Variants in MYO5B observed in about 807,000 individuals in gnomAD.
MYO5B encodes the protein unconventional myosin-Vb.
Under a neutral mutation model 229.3 loss-of-function variants are expected in MYO5B, and 143 were observed. The ratio of observed to expected loss-of-function variants is 0.62; its 90% CI spans 0.54 to 0.72. The LOEUF (loss-of-function observed/expected upper bound fraction) is 0.72, where lower values mean the gene tolerates loss of function less well. MYO5B is among the 30% of genes least tolerant of loss of function. The probability of loss-of-function intolerance (pLI) is 0.00; values close to 1 mark genes in which losing one functional copy is unlikely to be tolerated. For synonymous variants in MYO5B, 918 were observed against 885.2 expected, an observed-to-expected ratio of 1.04 and a Z score of -0.66; for missense variants, 2,321 against 2,331.0, an observed-to-expected ratio of 1.00 and a Z score of 0.09.
Position 50,039,310 on chromosome 18 carries a change from A to G in MYO5B, c.310+833T>C, listed in dbSNP as rs191610304. ...ATCAGAATTTGTGATATAGGAAAGG[A>G]GAAGTTTATTTCGTTGTTTTGTTTT... On this transcript the variant is annotated intron_variant, in intron 3 of 39. Coordinates refer to ENST00000285039, the MANE Select transcript of MYO5B (RefSeq NM_001080467.3). 3.5e-3 allele frequency among the ~76,000 whole-genome samples: 534 copies of G among 152,240 alleles called. 4 individuals are homozygous for G. The highest frequency in any genetic ancestry group is 4.3e-3 in the Non-Finnish European group (290 of 67,992).
intron 20 of MYO5B, among the ~76,000 whole-genome samples, chr18:49,903,730 T>C (rs1008325220): frequency 6.6e-6 from 1 of 152,220 alleles, no homozygotes; most frequent in Non-Finnish European, 1.5e-5. Context: ...ATTTTAGACA[T>C]TTCCTTCCAA....
intron 1 of MYO5B, among the ~76,000 whole-genome samples, chr18:50,142,608 T>G (rs1006004492): frequency 2.0e-5 from 3 of 152,244 alleles, no homozygotes; most frequent in Non-Finnish European, 2.9e-5. Flanking sequence ...CATGGAATAG[T>G]TGCAGAATTA....
At chr18:49,894,050 A>T (rs986383174) in intron 22 of MYO5B, among the ~76,000 whole-genome samples, 1 of 152,190 alleles carries the variant, frequency 6.6e-6, no homozygotes, top group African/African-American at 2.4e-5. Context: ...CTTTCTGCAC[A>T]TGCTTGGGAA....
intron 37 of MYO5B, among the ~76,000 whole-genome samples, 174 bp downstream of exon 37, chr18:49,837,343 G>A (rs2023999707): frequency 6.6e-6 from 1 of 152,168 alleles, no homozygotes; most frequent in Admixed American, 6.5e-5. Flanking sequence ...AGTGTTCGAC[G>A]GATTTCACCA....
intron 18 of MYO5B, 109 bp downstream of exon 18, chr18:49,911,953 T>C (rs969838444): frequency 2.4e-6 from 2 of 843,446 alleles, no homozygotes; most frequent in South Asian, 1.4e-5. Flanking sequence ...CAGAAATAGA[T>C]TCAGTAAGAA....
intron 4 of MYO5B, among the ~76,000 whole-genome samples, chr18:50,017,314 G>A (rs1024842750): frequency 2.9e-4 from 44 of 151,982 alleles, no homozygotes; most frequent in African/African-American, 9.2e-4. Flanking sequence ...TAGTAGAGAC[G>A]GGGTTTCACC....
intron 1 of MYO5B, among the ~76,000 whole-genome samples, chr18:50,100,803 C>A (rs539325599): frequency 6.6e-6 from 1 of 152,166 alleles, no homozygotes; most frequent in Non-Finnish European, 1.5e-5. Flanking sequence ...AAGGAACAAT[C>A]AATCAGAGCA....
At chr18:49,938,249 T>C (rs2025273001) in intron 14 of MYO5B, among the ~76,000 whole-genome samples, 1 of 152,164 alleles carries the variant, frequency 6.6e-6, no homozygotes, top group Admixed American at 6.5e-5. Context: ...TTGTTATGAA[T>C]ACTAAATAAG....
At chr18:50,190,802 T>G (rs937716248) in intron 1 of MYO5B, among the ~76,000 whole-genome samples, 1 of 152,246 alleles carries the variant, frequency 6.6e-6, no homozygotes, top group Non-Finnish European at 1.5e-5. Context: ...AAATGTTTCA[T>G]ATTCCAATAA....
intron 1 of MYO5B, among the ~76,000 whole-genome samples, chr18:50,105,443 C>G (rs2031740312): frequency 6.6e-6 from 1 of 152,058 alleles, no homozygotes; most frequent in South Asian, 2.1e-4. Context: ...TCTTCCCTAA[C>G]CTGTGAGCTC....
rs951552913 is a variant in MYO5B at position 50,180,024 on chromosome 18, A to G, written c.27+14743T>C. ...TAGGTCCGGACCTCTAGGGCTGAAG[A>G]TCTGACAGGTGGTCCTCAAAACCAG... On this transcript the variant is annotated intron_variant, in intron 1 of 39. Transcript: ENST00000285039. Among the ~76,000 whole-genome samples the G allele has an allele frequency of 2.0e-5, 3 of 152,292 alleles. No individual in the cohort carries two copies. In the East Asian group the frequency reaches 5.8e-4, roughly 29 times the overall value.
chr18:50,112,424 G>A (rs1250367403), intron 1 of MYO5B, among the ~76,000 whole-genome samples: 3 of 152,108 alleles, frequency 2.0e-5, no homozygotes, highest in Non-Finnish European at 4.4e-5. Flanking sequence ...CCCATCAAGA[G>A]GCAAAGGCAA....
At chr18:50,152,194 C>T (rs1318179992) in intron 1 of MYO5B, among the ~76,000 whole-genome samples, 1 of 152,160 alleles carries the variant, frequency 6.6e-6, no homozygotes, top group Non-Finnish European at 1.5e-5. Context: ...AATGGTGCCT[C>T]CCCCACCCCG....
intron 38 of MYO5B, among the ~76,000 whole-genome samples, chr18:49,836,384 T>C (rs2023987048): frequency 6.6e-6 from 1 of 152,254 alleles, no homozygotes; most frequent in African/African-American, 2.4e-5. Flanking sequence ...TGGATTTCTA[T>C]GTAAGAAACA....
rs143672708 is a variant in MYO5B at position 49,876,834 on chromosome 18, G to A, written c.3396+929C>T. 4.9e-4 allele frequency among the ~76,000 whole-genome samples: 74 copies of A among 152,282 alleles called. No homozygotes were observed. The East Asian group carries it at 0.012, about 24-fold the overall frequency. ...CAGAGAGGAGACCTTCAGTTCTGGGGACCTCCTTCTCTCCCTCCACCCTCT... is the reference window on the plus strand; with the variant it reads ...CAGAGAGGAGACCTTCAGTTCTGGGAACCTCCTTCTCTCCCTCCACCCTCT... On this transcript the variant is annotated intron_variant, in intron 25 of 39. Coordinates refer to ENST00000285039, the MANE Select transcript of MYO5B (RefSeq NM_001080467.3).
At chr18:49,977,797 T>G (rs941934335) in intron 9 of MYO5B, among the ~76,000 whole-genome samples, 3 of 152,330 alleles carry the variant, frequency 2.0e-5, no homozygotes, top group Non-Finnish European at 4.4e-5. Context: ...AAGGCTGATA[T>G]TAGACAAAGA....
chr18:49,941,455 G>A (rs2025313166), intron 14 of MYO5B, among the ~76,000 whole-genome samples: 3 of 152,166 alleles, frequency 2.0e-5, no homozygotes, highest in Non-Finnish European at 4.4e-5. Context: ...GCATGGAAGG[G>A]ATAATCCTAT....
intron 1 of MYO5B, among the ~76,000 whole-genome samples, chr18:50,142,200 A>G (rs956396868): frequency 2.0e-5 from 3 of 152,174 alleles, no homozygotes; most frequent in African/African-American, 7.2e-5. Context: ...CATGTTCATC[A>G]TGGGCTGGCT....
At chr18:49,843,471 G>C in intron 33 of MYO5B, 79 bp from the exon 34 acceptor site, 1 of 1,522,142 alleles carries the variant, frequency 6.6e-7, no homozygotes, top group Non-Finnish European at 9.1e-7. Context: ...CATCTGAATA[G>C]ACGTGTTTTC....
Sources: gnomAD v4.1 joint callset for allele counts (sites outside exome capture counted in the v4.1 genomes callset) on GRCh38, gnomAD v4.1.1 for gene constraint, MANE v1.5 for transcripts, NCBI Gene and HGNC (gene_info 2026-07-23, HGNC 2026-07-21) for gene names.